The following SNX6 variants were observed in gnomAD, a reference collection of about 807,000 sequenced individuals.
SNX6 encodes sorting nexin-6.
SNX6 carries 34 observed loss-of-function variants against 63.0 expected under a neutral mutation model. That is an observed-to-expected ratio of 0.54 (90% CI 0.41 to 0.72). SNX6 has a LOEUF of 0.72. Among genes scored for constraint, SNX6 ranks in the 30% least tolerant of loss-of-function variants. SNX6 has a pLI of 0.00. For missense variants in SNX6, 398 were observed against 471.4 expected (o/e 0.84, Z 1.44); for synonymous variants, 170 against 164.2 (o/e 1.04, Z -0.27).
At chr14:34,596,178 C>A (rs1438220083) in intron 7 of SNX6, among the ~76,000 whole-genome samples, 1 of 151,218 alleles carries the variant, frequency 6.6e-6, no homozygotes, top group Non-Finnish European at 1.5e-5. Flanking sequence ...GATCGCGCCA[C>A]CGCACTCCAG....
At chr14:34,566,942 G>A (rs977876778) in intron 13 of SNX6, among the ~76,000 whole-genome samples, 3 of 152,118 alleles carry the variant, frequency 2.0e-5, no homozygotes, top group African/African-American at 7.2e-5. Context: ...AAAAAACCTG[G>A]CCGGGCATGG....
At chr14:34,599,993 A>C (rs927282431) in intron 6 of SNX6, among the ~76,000 whole-genome samples, 1 of 152,170 alleles carries the variant, frequency 6.6e-6, no homozygotes, top group Non-Finnish European at 1.5e-5. Context: ...ACTCTCCAGT[A>C]AAAGTCTTCA....
intron 7 of SNX6, among the ~76,000 whole-genome samples, chr14:34,593,633 G>A (rs924723876): frequency 6.7e-5 from 10 of 149,928 alleles, no homozygotes; most frequent in Non-Finnish European, 1.2e-4. Context: ...GTGCAGTGGC[G>A]CGATCTTGGC....
chr14:34,563,864 C>A (rs1319720751), intron 13 of SNX6, among the ~76,000 whole-genome samples: 1 of 152,082 alleles, frequency 6.6e-6, no homozygotes, highest in Non-Finnish European at 1.5e-5. Context: ...TCAGCCTCCC[C>A]AGTAGCTGGG....
chr14:34,589,741 T>G (rs1449415432), intron 8 of SNX6, among the ~76,000 whole-genome samples: 1 of 151,704 alleles, frequency 6.6e-6, no homozygotes, highest in Admixed American at 6.6e-5. Flanking sequence ...GAGAATCACT[T>G]GAACCCACGA....
intron 8 of SNX6, among the ~76,000 whole-genome samples, chr14:34,588,741 T>C (rs1475216741): frequency 6.6e-6 from 1 of 151,986 alleles, no homozygotes; most frequent in African/African-American, 2.4e-5. Flanking sequence ...GCCAGTTCTC[T>C]CCAAATTAAT....
At chr14:34,615,579 A>G (rs953517619) in intron 2 of SNX6, among the ~76,000 whole-genome samples, 2 of 152,062 alleles carry the variant, frequency 1.3e-5, no homozygotes, top group Non-Finnish European at 2.9e-5. Context: ...TTGCCTTAAG[A>G]GCTATTAACT....
At chr14:34,594,216 C>G (rs1882511830) in intron 7 of SNX6, among the ~76,000 whole-genome samples, 1 of 152,034 alleles carries the variant, frequency 6.6e-6, no homozygotes, top group Non-Finnish European at 1.5e-5. Flanking sequence ...TGAAGGCTGC[C>G]TAGCCTTAGT....
intron 8 of SNX6, among the ~76,000 whole-genome samples, chr14:34,590,542 G>T (rs1219576824): frequency 6.6e-6 from 1 of 151,714 alleles, no homozygotes; most frequent in Non-Finnish European, 1.5e-5. Flanking sequence ...TACCACCACT[G>T]ACCTACTTGA....
At chr14:34,600,066 T>G (rs946538765) in intron 6 of SNX6, among the ~76,000 whole-genome samples, 1 of 152,202 alleles carries the variant, frequency 6.6e-6, no homozygotes, top group African/African-American at 2.4e-5. Flanking sequence ...TCCATTCTGT[T>G]GCCTGGGACA....
At chr14:34,607,104 GT>G (rs1161661972) in intron 4 of SNX6, among the ~76,000 whole-genome samples, 1 of 151,986 alleles carries the variant, frequency 6.6e-6, no homozygotes, top group African/African-American at 2.4e-5. Flanking sequence ...AACCAGTATG[GT>G]TTGTCACATC....
chr14:34,605,530 C>G, intron 5 of SNX6, 66 bp downstream of exon 5: 1 of 1,368,544 alleles, frequency 7.3e-7, no homozygotes, highest in Non-Finnish European at 9.7e-7. Context: ...GGCATTAAAG[C>G]AAGCACAATT....
intron 6 of SNX6, among the ~76,000 whole-genome samples, chr14:34,600,706 A>G (rs558590968): frequency 6.6e-6 from 1 of 152,074 alleles, no homozygotes; most frequent in East Asian, 1.9e-4. Flanking sequence ...TCAGTAAAAA[A>G]TTTTTTGCCA....
chr14:34,605,865 C>T (rs1566485314), intron 4 of SNX6, 148 bp from the exon 5 acceptor site: 1 of 994,718 alleles, frequency 1.0e-6, no homozygotes, highest in Non-Finnish European at 1.4e-6. Context: ...GATTGGAGAA[C>T]TTGACTAGTT....
At chr14:34,584,939 G>A (rs141336245) in intron 9 of SNX6, among the ~76,000 whole-genome samples, 120 of 151,744 alleles carry the variant, frequency 7.9e-4, no homozygotes, top group Non-Finnish European at 1.6e-3. Flanking sequence ...CGCAACCTTC[G>A]TCTCCTGGGT....
At chr14:34,603,002 G>T (rs1438148218) in intron 6 of SNX6, among the ~76,000 whole-genome samples, 1 of 147,800 alleles carries the variant, frequency 6.8e-6, no homozygotes, top group East Asian at 2.0e-4. Flanking sequence ...CTTGGGCTGG[G>T]CGCTATGGCT....
chr14:34,617,738 G>A (rs1177554891), intron 2 of SNX6, among the ~76,000 whole-genome samples: 2 of 151,762 alleles, frequency 1.3e-5, no homozygotes, highest in East Asian at 1.9e-4. Flanking sequence ...TGGCTAACAC[G>A]GTGAAACCCC....
rs775765867 is a variant in SNX6 at position 34,581,535 on chromosome 14, G to C, written c.834+26C>G. The C allele has an allele frequency of 1.3e-5, 17 of 1,292,906 alleles. No individual in the cohort carries two copies. The African/African-American group carries it at 1.5e-4, about 11-fold the overall frequency. The allele number at this position is 1,292,906 out of a possible 1,614,324, so 80.1% of individuals were successfully genotyped here. The stretch of plus-strand genomic sequence containing the variant: ...CTCTCTCTGGGCACAATATTATGCA[G>C]TATATCTCTATAATTTAGTACTTAC... On this transcript the variant is annotated intron_variant, in intron 10 of 13. Transcript: ENST00000362031.
In SNX6 at chr14:34,575,742, A is replaced by C; in HGVS notation, c.921+14T>G. On this transcript the variant is annotated intron_variant, in intron 11 of 13. Coordinates refer to ENST00000362031, the MANE Select transcript of SNX6 (RefSeq NM_152233.4). ...GTTTGTAAAATGGCTCATTTAAAAA[A>C]AGATTAAAATTACCTTAGCAGCTTG... 6.7e-7 allele frequency: 1 copy of C among 1,492,384 alleles called. No homozygotes were observed. Among genetic ancestry groups the C allele is most frequent in the South Asian group, 1.2e-5 (1 of 80,802 alleles). 92.4% of individuals were successfully genotyped at this position (1,492,384 alleles called of 1,614,324 possible).
Sources: gnomAD v4.1 joint callset for allele counts (sites outside exome capture counted in the v4.1 genomes callset) on GRCh38, gnomAD v4.1.1 for gene constraint, MANE v1.5 for transcripts, NCBI Gene and HGNC (gene_info 2026-07-23, HGNC 2026-07-21) for gene names.